Variants in SNTG1 observed in about 807,000 individuals in gnomAD.
SNTG1 encodes the protein gamma-1-syntrophin.
Under a neutral mutation model 74.7 loss-of-function variants are expected in SNTG1, and 39 were observed. The observed-to-expected ratio is 0.52, with a 90% confidence interval of 0.40 to 0.68. The LOEUF (loss-of-function observed/expected upper bound fraction) is 0.68, where lower values mean the gene tolerates loss of function less well. Among genes scored for constraint, SNTG1 ranks in the 30% least tolerant of loss-of-function variants. The pLI is 0.00. For missense variants in SNTG1, 685 were observed against 609.5 expected, an observed-to-expected ratio of 1.12 and a Z score of -1.30; for synonymous variants, 254 against 217.1, an observed-to-expected ratio of 1.17 and a Z score of -1.49.
intron 8 of SNTG1, among the ~76,000 whole-genome samples, chr8:50,486,587 C>A (rs139029919): frequency 3.5e-4 from 43 of 122,598 alleles, no homozygotes; most frequent in Admixed American, 9.8e-4. Flanking sequence ...ACAATCATGT[C>A]GTCTGCAAAC....
In SNTG1 at chr8:50,780,254, G is replaced by A. The variant is rs368514213; in HGVS notation, c.1396-12417G>A. Among the ~76,000 whole-genome samples the A allele has an allele frequency of 7.2e-5, 11 of 151,926 alleles. 1 individual carries two copies. The highest frequency in any genetic ancestry group is 3.9e-4 in the Admixed American group (6 of 15,240). ...GGGAGGATTCCCTCTTTTTCTATTG[G>A]TTGGAATAGTTTCAGAAGGAATGGT... On this transcript the variant is annotated intron_variant, in intron 18 of 18. Coordinates refer to ENST00000642720, the MANE Select transcript of SNTG1 (RefSeq NM_018967.5).
intron 9 of SNTG1, among the ~76,000 whole-genome samples, chr8:50,506,178 T>G (rs966882557): frequency 6.6e-6 from 1 of 152,100 alleles, no homozygotes; most frequent in African/African-American, 2.4e-5. Flanking sequence ...GGGTTAATTT[T>G]GGGATTATTC....
intron 2 of SNTG1, among the ~76,000 whole-genome samples, chr8:50,384,073 C>T (rs1438094720): frequency 6.6e-6 from 1 of 152,184 alleles, no homozygotes; most frequent in Non-Finnish European, 1.5e-5. Context: ...AGGCACTACC[C>T]TCATTTCCTA....
intron 1 of SNTG1, among the ~76,000 whole-genome samples, chr8:49,935,194 C>T (rs1403910826): frequency 1.5e-5 from 2 of 132,362 alleles, no homozygotes; most frequent in Non-Finnish European, 3.1e-5. Flanking sequence ...AGACAGCAGC[C>T]AAGCAGAAGT....
intron 4 of SNTG1, among the ~76,000 whole-genome samples, chr8:50,426,755 C>A (rs1369377748): frequency 6.6e-6 from 1 of 151,946 alleles, no homozygotes; most frequent in Non-Finnish European, 1.5e-5. Flanking sequence ...ACCACTTACT[C>A]ACTGCCTCAC....
At chr8:50,121,082 G>A (rs1272332488) in intron 1 of SNTG1, among the ~76,000 whole-genome samples, 1 of 142,172 alleles carries the variant, frequency 7.0e-6, no homozygotes, top group African/African-American at 2.5e-5. Flanking sequence ...ATATTAAAAT[G>A]TCTTCATTAG....
At chr8:50,405,809 C>A (rs1019605091) in intron 4 of SNTG1, among the ~76,000 whole-genome samples, 1 of 152,034 alleles carries the variant, frequency 6.6e-6, no homozygotes, top group African/African-American at 2.4e-5. Context: ...TTTAAGTTAA[C>A]TTCTGTACAT....
chr8:50,724,444 A>C (rs1161789032), intron 17 of SNTG1, among the ~76,000 whole-genome samples: 1 of 152,182 alleles, frequency 6.6e-6, no homozygotes, highest in African/African-American at 2.4e-5. Context: ...ATAAATAATT[A>C]TTAGCTAACA....
chr8:49,934,345 C>T (rs1242569526), intron 1 of SNTG1, among the ~76,000 whole-genome samples: 1 of 151,014 alleles, frequency 6.6e-6, no homozygotes, highest in East Asian at 1.9e-4. Context: ...CTACTCAACC[C>T]ACCTATCTAC....
chr8:50,435,063 A>T (rs189770128), intron 4 of SNTG1, among the ~76,000 whole-genome samples: 1 of 152,122 alleles, frequency 6.6e-6, no homozygotes, highest in Non-Finnish European at 1.5e-5. Flanking sequence ...AACTTATAAT[A>T]TAATATTCCA....
intron 12 of SNTG1, among the ~76,000 whole-genome samples, chr8:50,567,670 G>T (rs943408321): frequency 6.6e-6 from 1 of 151,894 alleles, no homozygotes; most frequent in Non-Finnish European, 1.5e-5. Flanking sequence ...TTAATAATAT[G>T]TACAAGAACC....
chr8:50,560,613 C>A (rs1051040552), intron 12 of SNTG1, among the ~76,000 whole-genome samples: 1 of 152,182 alleles, frequency 6.6e-6, no homozygotes, highest in Non-Finnish European at 1.5e-5. Context: ...CAAACTAACA[C>A]AGGAACAGAA....
intron 13 of SNTG1, among the ~76,000 whole-genome samples, chr8:50,620,004 C>G (rs2094911402): frequency 6.6e-6 from 1 of 151,872 alleles, no homozygotes; most frequent in Non-Finnish European, 1.5e-5. Context: ...GCACAGATTT[C>G]TCACCTTGTG....
chr8:50,067,855 C>A (rs750490228), intron 1 of SNTG1, among the ~76,000 whole-genome samples: 1 of 152,150 alleles, frequency 6.6e-6, no homozygotes, highest in African/African-American at 2.4e-5. Flanking sequence ...GGGCACACAG[C>A]CTGCTGGGGC....
At chr8:50,019,270 C>T (rs1363831702) in intron 1 of SNTG1, among the ~76,000 whole-genome samples, 1 of 151,956 alleles carries the variant, frequency 6.6e-6, no homozygotes, top group East Asian at 1.9e-4. Context: ...CATTGTCTTT[C>T]TGATAGATTT....
intron 1 of SNTG1, among the ~76,000 whole-genome samples, chr8:49,997,320 C>A (rs1027866845): frequency 6.6e-6 from 1 of 152,080 alleles, no homozygotes; most frequent in African/African-American, 2.4e-5. Context: ...TCTATTATAT[C>A]TTTAGTCCCC....
chr8:50,537,319 G>A (rs1250610237), intron 11 of SNTG1, among the ~76,000 whole-genome samples: 3 of 151,868 alleles, frequency 2.0e-5, no homozygotes, highest in Non-Finnish European at 4.4e-5. Context: ...TTTTGTTTTC[G>A]TAGACATGGG....
intron 17 of SNTG1, among the ~76,000 whole-genome samples, chr8:50,711,109 G>A (rs1004588238): frequency 2.6e-5 from 4 of 152,120 alleles, no homozygotes; most frequent in Non-Finnish European, 5.9e-5. Context: ...CACTGAGCTG[G>A]GCTGACTGCA....
chr8:50,215,789 T>C (rs1433614019), intron 2 of SNTG1, among the ~76,000 whole-genome samples: 10 of 152,124 alleles, frequency 6.6e-5, no homozygotes, highest in African/African-American at 2.4e-4. Context: ...AAGGAGATTA[T>C]GAATTTAATT....
Sources: gnomAD v4.1 joint callset for allele counts (sites outside exome capture counted in the v4.1 genomes callset) on GRCh38, gnomAD v4.1.1 for gene constraint, MANE v1.5 for transcripts, NCBI Gene and HGNC (gene_info 2026-07-23, HGNC 2026-07-21) for gene names.